LATS2: variants seen among roughly 807,000 people sequenced by gnomAD.
The protein encoded by LATS2 is large tumor suppressor kinase 2, also known as serine/threonine-protein kinase LATS2.
In LATS2, 24 loss-of-function variants were observed where a neutral mutation model predicts 76.0. That is an observed-to-expected ratio of 0.32 (90% CI 0.23 to 0.44). The LOEUF (loss-of-function observed/expected upper bound fraction) is 0.44, where lower values mean the gene tolerates loss of function less well. Ranked by LOEUF, LATS2 falls within the 20% of genes least tolerant of loss-of-function variation. The probability of loss-of-function intolerance (pLI) is 1.00; values close to 1 mark genes in which losing one functional copy is unlikely to be tolerated. For synonymous variants in LATS2, 692 were observed against 635.4 expected, an observed-to-expected ratio of 1.09 and a Z score of -1.34; for missense variants, 1,286 against 1,481.2, an observed-to-expected ratio of 0.87 and a Z score of 2.16.
In LATS2 at chr13:20,988,559, G is replaced by A. The variant is rs1354096439; in HGVS notation, c.1221C>T (p.Asn407=). The change falls in exon 4 of 8, where the codon AAC becomes AAT. Residue 407 remains asparagine, a synonymous_variant. Transcript: ENST00000382592. ...GCCGCGGCTGGTGGCTGTTGAAGGA[G>A]TTGGTCCTGCTGGGCACTGGGCAGT... The part of the protein sequence containing the change: ...RPDCPVPSRT[N]SFNSHQPRPG... 6.3e-7 allele frequency: 1 copy of A among 1,584,510 alleles called. No individual in the cohort carries two copies. Among genetic ancestry groups the A allele is most frequent in the Non-Finnish European group, 8.5e-7 (1 of 1,173,744 alleles).
chr13:20,989,103 T>G lies in LATS2; in HGVS notation c.677A>C (p.His226Pro). Residue 226 changes from histidine to proline, a missense_variant, in exon 4 of 8, where the codon CAC (histidine) becomes CCC (proline). Transcript: ENST00000382592. ...GCCCTTGGGTGGGTGCTGGTGCTGG[T>G]GGCCGGGCCCGTGGGGGCCGACTCC... The part of the protein sequence containing the change: ...FPGVGPHGPG[H>P]QHQHPPKGYG... 1 of 1,601,872 alleles carries G rather than the reference T, an allele frequency of 6.2e-7. No homozygotes were observed. Among genetic ancestry groups the G allele is most frequent in the South Asian group, 1.1e-5 (1 of 90,432 alleles).
chr13:21,016,627 A>G (rs1410335264), intron 2 of LATS2, among the ~76,000 whole-genome samples: 1 of 152,180 alleles, frequency 6.6e-6, no homozygotes, highest in Admixed American at 6.6e-5. Context: ...GAGACTTGAT[A>G]TGAAATTTCT....
chr13:20,979,276 T>C (rs1869764949), intron 7 of LATS2, among the ~76,000 whole-genome samples: 1 of 152,160 alleles, frequency 6.6e-6, no homozygotes, highest in Non-Finnish European at 1.5e-5. Context: ...GATTTTTGAC[T>C]GTGCAGGGGG....
chr13:20,997,157 G>A (rs1170574202), intron 2 of LATS2, among the ~76,000 whole-genome samples: 2 of 152,314 alleles, frequency 1.3e-5, no homozygotes, highest in East Asian at 3.9e-4. Context: ...AGAAGGGCAA[G>A]ACAAACTGAG....
At chr13:21,033,543 A>G (rs1872601029) in intron 2 of LATS2, among the ~76,000 whole-genome samples, 2 of 151,762 alleles carry the variant, frequency 1.3e-5, no homozygotes, top group Admixed American at 6.6e-5. Context: ...GAAACACCAA[A>G]GCAGGAGAGT....
At chr13:21,007,760 A>ATATATATTTTT in intron 2 of LATS2, among the ~76,000 whole-genome samples, 1 of 4,558 alleles carries the variant, frequency 2.2e-4, no homozygotes, top group Non-Finnish European at 3.3e-4. Context: ...ATATATATAT[A>ATATATATTTTT]TTTTTTTTTT....
chr13:21,034,402 G>C (rs1242200353), intron 2 of LATS2, among the ~76,000 whole-genome samples: 1 of 152,198 alleles, frequency 6.6e-6, no homozygotes, highest in Non-Finnish European at 1.5e-5. Context: ...CCATGACCAA[G>C]TAACTGGGTC....
At chr13:21,015,439 T>C (rs2138348908) in intron 2 of LATS2, among the ~76,000 whole-genome samples, 1 of 152,246 alleles carries the variant, frequency 6.6e-6, no homozygotes, top group Non-Finnish European at 1.5e-5. Flanking sequence ...GTCCAATACA[T>C]AGTTAAGAAC....
chr13:21,030,455 G>A (rs1872477044), intron 2 of LATS2, among the ~76,000 whole-genome samples: 2 of 151,886 alleles, frequency 1.3e-5, no homozygotes, highest in South Asian at 4.1e-4. Context: ...CAGCCGTGGT[G>A]GCGGGCGCCT....
chr13:21,022,435 A>C (rs1278179607), intron 2 of LATS2, among the ~76,000 whole-genome samples: 1 of 152,162 alleles, frequency 6.6e-6, no homozygotes, highest in African/African-American at 2.4e-5. Context: ...CCGAAAGCCT[A>C]AAATCCCTGA....
At chr13:20,982,371 G>A (rs965641719) in intron 5 of LATS2, among the ~76,000 whole-genome samples, 2 of 152,200 alleles carry the variant, frequency 1.3e-5, no homozygotes, top group African/African-American at 4.8e-5. Flanking sequence ...GGGCGCAATG[G>A]CGCGATCTCA....
intron 1 of LATS2, among the ~76,000 whole-genome samples, chr13:21,059,330 G>T (rs751732345): frequency 4.6e-5 from 7 of 152,198 alleles, no homozygotes; most frequent in Non-Finnish European, 8.8e-5. Flanking sequence ...GGGTGCGGTG[G>T]CTTACGCCTG....
chr13:20,980,663 G>A (rs534351654), intron 6 of LATS2, among the ~76,000 whole-genome samples: 1 of 152,168 alleles, frequency 6.6e-6, no homozygotes, highest in Non-Finnish European at 1.5e-5. Context: ...CCTTCACTGG[G>A]CACCAAGGTT....
chr13:21,000,062 T>C (rs1421715499), intron 2 of LATS2, among the ~76,000 whole-genome samples: 1 of 152,026 alleles, frequency 6.6e-6, no homozygotes, highest in African/African-American at 2.4e-5. Flanking sequence ...TTTACAACTA[T>C]TGTTAGCACC....
At chr13:21,059,453 C>T (rs1873554036) in intron 1 of LATS2, among the ~76,000 whole-genome samples, 1 of 152,048 alleles carries the variant, frequency 6.6e-6, no homozygotes, top group South Asian at 2.1e-4. Context: ...AAAAATTAGC[C>T]GGGCGTGGTG....
chr13:20,983,102 T>G, intron 5 of LATS2, 122 bp downstream of exon 5: 1 of 634,882 alleles, frequency 1.6e-6, no homozygotes, highest in South Asian at 2.0e-5. Context: ...TATAAAATAA[T>G]GGAGTGACAG....
At chr13:21,012,487 T>C (rs1365450508) in intron 2 of LATS2, among the ~76,000 whole-genome samples, 5 of 152,246 alleles carry the variant, frequency 3.3e-5, no homozygotes, top group Admixed American at 6.5e-5. Context: ...ACCATCATCA[T>C]ACATGTGGCC....
chr13:20,988,098 G>C lies in LATS2; in HGVS notation c.1682C>G (p.Ala561Gly), dbSNP rs751564042. ...ATCCTTTCCGCCTTTGTCCCCCTTGGCGCTTTTGCGGCTCTTGTCGCCGCC... is the reference window on the plus strand; with the variant it reads ...ATCCTTTCCGCCTTTGTCCCCCTTGCCGCTTTTGCGGCTCTTGTCGCCGCC... Reference protein sequence around the residue: ...PEGGDKSRKSAKGDKGGKDKK... With the variant: ...PEGGDKSRKSGKGDKGGKDKK... Residue 561 changes from alanine (A) to glycine (G), a missense_variant, in exon 4 of 8, where the codon GCC becomes GGC. Physicochemically the swap from Ala to Gly is moderately conservative, Grantham distance 60. This residue lies in a region of LATS2 where 710 missense variants were observed against 660.9 expected (regional missense o/e 1.07). Coordinates refer to ENST00000382592, the MANE Select transcript of LATS2 (RefSeq NM_014572.3). 18 of 1,614,272 alleles carry C rather than the reference G, an allele frequency of 1.1e-5. No homozygotes were observed. Among genetic ancestry groups the C allele is most frequent in the Non-Finnish European group, 1.4e-5 (17 of 1,180,050 alleles).
In LATS2 at chr13:20,983,305, G is replaced by A. The variant is rs1254526831; in HGVS notation, c.2401C>T (p.Leu801=). The A allele has an allele frequency of 6.2e-7, 1 of 1,613,918 alleles. No individual in the cohort carries two copies. Among genetic ancestry groups the A allele is most frequent in the Non-Finnish European group, 8.5e-7 (1 of 1,179,980 alleles). ...TCTGTGAGTTTAATGTGACCATCCAGATCTATCAAAATGTTATCAGGCTTG... is the reference window on the plus strand; with the variant it reads ...TCTGTGAGTTTAATGTGACCATCCAAATCTATCAAAATGTTATCAGGCTTG... ...DIKPDNILID[L]DGHIKLTDFG... The change falls in exon 5 of 8, where the codon CTG becomes TTG. Residue 801 remains leucine (L), a synonymous_variant. Transcript: ENST00000382592.
Sources: gnomAD v4.1 joint callset for allele counts (sites outside exome capture counted in the v4.1 genomes callset) on GRCh38, gnomAD v4.1.1 for gene constraint, gnomAD v4.1.1 regional missense constraint, MANE v1.5 for transcripts, NCBI Gene and HGNC (gene_info 2026-07-23, HGNC 2026-07-21) for gene names.